Variants in SYT16 observed in about 807,000 individuals in gnomAD.
The protein encoded by SYT16 is synaptotagmin 16.
A neutral mutation model predicts 61.4 loss-of-function variants in SYT16; 42 were observed. That is an observed-to-expected ratio of 0.68 (90% CI 0.53 to 0.89). The LOEUF (loss-of-function observed/expected upper bound fraction) is 0.89. Ranked by LOEUF, SYT16 falls within the 40% of genes least tolerant of loss-of-function variation. The pLI, the probability that SYT16 is intolerant of heterozygous loss-of-function variation, is 0.00. For synonymous variants in SYT16, 314 were observed against 302.3 expected, an observed-to-expected ratio of 1.04 and a Z score of -0.40; for missense variants, 804 against 807.3, an observed-to-expected ratio of 1.00 and a Z score of 0.05.
At chr14:61,988,299 T>C (rs915506147) in intron 2 of SYT16, among the ~76,000 whole-genome samples, 4 of 152,164 alleles carry the variant, frequency 2.6e-5, no homozygotes, top group African/African-American at 9.7e-5. Context: ...TATCTGAAAA[T>C]GGATTTCTGT....
Position 61,995,910 on chromosome 14 carries a change from TAA to T in SYT16, c.-109_-108del. The T allele has an allele frequency of 8.9e-7, 1 of 1,127,288 alleles. No individual in the cohort carries two copies. Among genetic ancestry groups the T allele is most frequent in the Non-Finnish European group, 1.2e-6 (1 of 808,044 alleles). The allele number at this position is 1,127,288 out of a possible 1,614,324, so 69.8% of individuals were successfully genotyped here. ...TTGAGAGTGAAATATTCACAGCCATTAAGAGACCTCCAAATTAATTTCTCAAC... is the reference window on the plus strand; with the variant it reads ...TTGAGAGTGAAATATTCACAGCCATTGAGACCTCCAAATTAATTTCTCAAC... On this transcript the variant is annotated 5_prime_UTR_variant, in exon 3 of 8. An upstream open reading frame in the 5' UTR loses its in-frame stop. Coordinates refer to ENST00000683842, the MANE Select transcript of SYT16 (RefSeq NM_001367656.1).
chr14:62,095,799 A>G (rs1053420296), intron 7 of SYT16, among the ~76,000 whole-genome samples: 8 of 152,006 alleles, frequency 5.3e-5, no homozygotes, highest in African/African-American at 1.9e-4. Flanking sequence ...AACTCATTCT[A>G]AAATTCATAT....
chr14:61,839,335 T>A (rs1443222519), intron 1 of SYT16, among the ~76,000 whole-genome samples: 1 of 152,222 alleles, frequency 6.6e-6, no homozygotes, highest in Non-Finnish European at 1.5e-5. Flanking sequence ...CCTCACCAGA[T>A]GCTGGTACCT....
At chr14:61,913,214 A>G in intron 1 of SYT16, among the ~76,000 whole-genome samples, 1 of 152,182 alleles carries the variant, frequency 6.6e-6, no homozygotes, top group South Asian at 2.1e-4. Flanking sequence ...GCTCATGAGT[A>G]TAGGGATTTT....
chr14:62,077,794 A>T (rs1249440320), intron 5 of SYT16: 1 of 152,226 alleles, frequency 6.6e-6, no homozygotes. Context: ...CACAGCTTGA[A>T]TTGGCCTATC....
At position 61,841,519 on chromosome 14, in the gene SYT16, A is replaced by G. The variant is rs146174883; in HGVS notation, c.-325+28709A>G. On this transcript the variant is annotated intron_variant, in intron 1 of 7. Coordinates refer to ENST00000683842, the MANE Select transcript of SYT16 (RefSeq NM_001367656.1). ...AGTCTGTTTAATTTGAAATTCTTTA[A>G]TTTTAATTATTTTATTTTAGATTCA... Among the ~76,000 whole-genome samples the G allele has an allele frequency of 9.6e-3, 1,460 of 152,222 alleles. 10 individuals carry two copies. The highest frequency in any genetic ancestry group is 0.013 in the Non-Finnish European group (916 of 68,006).
chr14:62,000,130 G>T (rs534819908), intron 3 of SYT16, among the ~76,000 whole-genome samples: 4 of 18,846 alleles, frequency 2.1e-4, no homozygotes, highest in Admixed American at 5.8e-4. Context: ...TTTTTTTTTA[G>T]CGTACTGATT....
At chr14:61,906,795 A>G (rs928204250) in intron 1 of SYT16, among the ~76,000 whole-genome samples, 7 of 139,492 alleles carry the variant, frequency 5.0e-5, no homozygotes, top group South Asian at 2.3e-4. Flanking sequence ...CCGTCCATCC[A>G]TCCATCCATC....
chr14:61,894,962 C>G (rs1335614089), intron 1 of SYT16, among the ~76,000 whole-genome samples: 6 of 152,222 alleles, frequency 3.9e-5, no homozygotes, highest in Admixed American at 1.3e-4. Context: ...GGCTCCAACA[C>G]TGTCTCAAAG....
At chr14:62,077,745 C>G (rs537041021) in intron 5 of SYT16, 4 of 152,286 alleles carry the variant, frequency 2.6e-5, no homozygotes, top group Middle Eastern at 6.8e-3. Flanking sequence ...TTTCTCAAAT[C>G]AACCCAGGGA....
At chr14:61,891,242 G>A (rs866479071) in intron 1 of SYT16, among the ~76,000 whole-genome samples, 455 of 147,892 alleles carry the variant, frequency 3.1e-3, no homozygotes, top group African/African-American at 8.2e-3. Context: ...ACACACACGC[G>A]CACACACACA....
intron 1 of SYT16, among the ~76,000 whole-genome samples, chr14:61,942,877 G>A (rs946443126): frequency 1.3e-5 from 2 of 151,882 alleles, no homozygotes; most frequent in South Asian, 4.2e-4. Context: ...TCATAACAAA[G>A]ATCAGAACAG....
chr14:62,027,499 A>C (rs76691637), intron 3 of SYT16, among the ~76,000 whole-genome samples: 1 of 152,194 alleles, frequency 6.6e-6, no homozygotes, highest in South Asian at 2.1e-4. Context: ...GTTGTTACCT[A>C]TGTTTCATTG....
At chr14:61,864,857 T>A in intron 1 of SYT16, 1 of 1,130,962 alleles carries the variant, frequency 8.8e-7, no homozygotes, top group East Asian at 2.3e-5. Context: ...CTGCATATTC[T>A]CCCAGCCACC....
chr14:61,828,824 A>G (rs1479474769), intron 1 of SYT16, among the ~76,000 whole-genome samples: 1 of 152,232 alleles, frequency 6.6e-6, no homozygotes, highest in Non-Finnish European at 1.5e-5. Context: ...TCAGAGACAG[A>G]CAATACAGAT....
chr14:61,842,921 A>G lies in SYT16; in HGVS notation c.-325+30111A>G, dbSNP rs796406094. 1.1e-4 allele frequency among the ~76,000 whole-genome samples: 16 copies of G among 152,270 alleles called. 1 individual carries two copies. Among genetic ancestry groups the G allele is most frequent in the African/African-American group, 3.9e-4 (16 of 41,548 alleles). On this transcript the variant is annotated intron_variant, in intron 1 of 7. Transcript: ENST00000683842. The stretch of plus-strand genomic sequence containing the variant: ...GCACATGTACCCTAAAACTTAAAGT[A>G]TAATAATAATAATTAAAGAAAAATT...
chr14:62,101,712 A>C lies in SYT16; in HGVS notation c.*1005A>C, dbSNP rs1015380836. On this transcript the variant is annotated 3_prime_UTR_variant, in exon 8 of 8. Transcript: ENST00000683842. The stretch of plus-strand genomic sequence containing the variant: ...AAATATTGATTTGATTGACTCTTCA[A>C]AGTGAACATGTTATAACACCTGTGA... 6.6e-6 allele frequency: 1 copy of C among 152,212 alleles called. No individual in the cohort carries two copies. The highest frequency in any genetic ancestry group is 2.1e-4 in the South Asian group (1 of 4,834). 9.4% of individuals were successfully genotyped at this position (152,212 alleles called of 1,614,324 possible).
chr14:61,931,844 G>C (rs190119523), intron 1 of SYT16, among the ~76,000 whole-genome samples: 2 of 152,232 alleles, frequency 1.3e-5, no homozygotes, highest in Admixed American at 1.3e-4. Flanking sequence ...TTGGTGTGCT[G>C]CACCCATTAG....
At chr14:61,910,530 G>GT (rs59595019) in intron 1 of SYT16, among the ~76,000 whole-genome samples, 53 of 142,800 alleles carry the variant, frequency 3.7e-4, no homozygotes, top group Middle Eastern at 3.6e-3. Context: ...CCGCTGTTTT[G>GT]TTTTTTTTTT....
Sources: gnomAD v4.1 joint callset for allele counts (sites outside exome capture counted in the v4.1 genomes callset) on GRCh38, gnomAD v4.1.1 for gene constraint, MANE v1.5 for transcripts, NCBI Gene and HGNC (gene_info 2026-07-23, HGNC 2026-07-21) for gene names.